Variants in CPLANE1 observed in about 807,000 individuals in gnomAD.
The protein encoded by CPLANE1 is ciliogenesis and planar polarity effector complex subunit 1.
A neutral mutation model predicts 362.5 loss-of-function variants in CPLANE1; 263 were observed. The ratio of observed to expected loss-of-function variants is 0.73; its 90% CI spans 0.66 to 0.80. The LOEUF is 0.80. CPLANE1 is among the 30% of genes least tolerant of loss of function. CPLANE1 has a pLI of 0.00. For synonymous variants in CPLANE1, 1,212 were observed against 1,302.6 expected, an observed-to-expected ratio of 0.93 and a Z score of 1.50; for missense variants, 3,461 against 3,793.4, an observed-to-expected ratio of 0.91 and a Z score of 2.30.
At chr5:37,108,162 ACT>A in intron 52 of CPLANE1, 129 bp downstream of exon 52, 1 of 842,132 alleles carries the variant, frequency 1.2e-6, no homozygotes, top group Non-Finnish European at 1.9e-6. Flanking sequence ...ACGATTTCAA[ACT>A]GACCTAACAA....
chr5:37,236,698 T>C (rs1305364583), intron 8 of CPLANE1, among the ~76,000 whole-genome samples: 1 of 146,664 alleles, frequency 6.8e-6, no homozygotes, highest in Non-Finnish European at 1.5e-5. Context: ...CTAGGATCTA[T>C]GAGAAACTAA....
intron 51 of CPLANE1, among the ~76,000 whole-genome samples, chr5:37,112,687 T>C (rs866035054): frequency 6.6e-6 from 1 of 152,228 alleles, no homozygotes; most frequent in Non-Finnish European, 1.5e-5. Flanking sequence ...ACTAAACCTA[T>C]TACCTCCATC....
Position 37,120,340 on chromosome 5 carries a change from T to C in CPLANE1, c.9186A>G (p.Gly3062=). The part of the protein sequence containing the change: ...SSCQHCPSPR[G]ENQHGHSFLI... ...GAAAACTGTGACCATGTTGATTCTC[T>C]CTATAGTAGAAATCACATAATTATT... Residue 3062 remains glycine (G), a splice_region_variant and synonymous_variant, in exon 50 of 53, where the codon GGA becomes GGG. Coordinates refer to ENST00000651892, the MANE Select transcript of CPLANE1 (RefSeq NM_001384732.1). The C allele has an allele frequency of 6.4e-7, 1 of 1,565,240 alleles. No homozygotes were observed. The highest frequency in any genetic ancestry group is 8.6e-7 in the Non-Finnish European group (1 of 1,163,006).
At chr5:37,220,059 C>T (rs1795022903) in intron 15 of CPLANE1, among the ~76,000 whole-genome samples, 1 of 152,020 alleles carries the variant, frequency 6.6e-6, no homozygotes, top group African/African-American at 2.4e-5. Context: ...TCAAGATCAG[C>T]CTGGGCAGCA....
rs1779080836 is a variant in CPLANE1, at chr5:37,169,180, A to T, written c.6844T>A (p.Ser2282Thr). The change falls in exon 34 of 53, where the codon TCC becomes ACC. Residue 2282 changes from serine (S) to threonine (T), a missense_variant. Ser to Thr is a moderately conservative substitution (Grantham distance 58). Around this residue, in one of 2 missense-constraint regions of CPLANE1, gnomAD observed 3,380 missense variants for 3,666.1 expected, o/e 0.92. Coordinates refer to ENST00000651892, the MANE Select transcript of CPLANE1 (RefSeq NM_001384732.1). ...PQRAAQTTPA[S>T]HLNVSQYNTE... ...TTATACTGGCTTACATTCAAATGGG[A>T]TGCTGGAGTAGTTTGTGCTGCTCTC... The T allele has an allele frequency of 6.2e-7, 1 of 1,614,032 alleles. No individual in the cohort carries two copies. The highest frequency in any genetic ancestry group is 8.5e-7 in the Non-Finnish European group (1 of 1,179,990).
chr5:37,123,712 G>GGAA (rs961051016), intron 47 of CPLANE1, among the ~76,000 whole-genome samples: 1 of 151,890 alleles, frequency 6.6e-6, no homozygotes, highest in Non-Finnish European at 1.5e-5. Context: ...TTTTTGTAGA[G>GGAA]ACAAGGTCTC....
chr5:37,182,848 T>G lies in CPLANE1; in HGVS notation c.5333A>C (p.Lys1778Thr). Residue 1778 changes from lysine to threonine, a missense_variant, in exon 26 of 53, where the codon AAG (lysine) becomes ACG (threonine). Physicochemically the swap from Lys to Thr is moderately conservative, Grantham distance 78. Coordinates refer to ENST00000651892, the MANE Select transcript of CPLANE1 (RefSeq NM_001384732.1). ...TGTAAGAATGGCAGCTGTAGAGGTCTTTACACGAATTACTGGACTGTACTC... is the reference window on the plus strand; with the variant it reads ...TGTAAGAATGGCAGCTGTAGAGGTCGTTACACGAATTACTGGACTGTACTC... ...SSEYSPVIRV[K>T]TSTAAILTSL... 1 of 1,613,196 alleles carries G rather than the reference T, an allele frequency of 6.2e-7. No individual in the cohort carries two copies. The highest frequency in any genetic ancestry group is 8.5e-7 in the Non-Finnish European group (1 of 1,179,746).
intron 16 of CPLANE1, chr5:37,210,708 G>A: frequency 6.3e-7 from 1 of 1,577,620 alleles, no homozygotes; most frequent in East Asian, 2.2e-5. Context: ...GGAGCTTCTG[G>A]CACAAAATAA....
chr5:37,187,701 T>C (rs1163308260), intron 22 of CPLANE1, 32 bp downstream of exon 22: 12 of 1,585,782 alleles, frequency 7.6e-6, no homozygotes, highest in African/African-American at 2.7e-5. Context: ...TTAACGTGTG[T>C]TCATTTTTCT....
In CPLANE1 at chr5:37,201,686, T is replaced by C. The variant is rs746221254; in HGVS notation, c.3412A>G (p.Lys1138Glu). The change falls in exon 19 of 53, where the codon AAG becomes GAG. Residue 1138 changes from lysine (K) to glutamate (E), a missense_variant. Lys to Glu is a moderately conservative substitution (Grantham distance 56, BLOSUM62 1). Coordinates refer to ENST00000651892, the MANE Select transcript of CPLANE1 (RefSeq NM_001384732.1). ...ETFQLLIDSAKDFSKRLWGLV... is the reference protein window; with the variant it reads ...ETFQLLIDSAEDFSKRLWGLV... The stretch of plus-strand genomic sequence containing the variant: ...CCCCACAGTCTTTTACTGAAGTCCT[T>C]GGCAGAGTCTATCAGAAGTTGAAAT... 6.2e-7 allele frequency: 1 copy of C among 1,614,182 alleles called. No homozygotes were observed. The highest frequency in any genetic ancestry group is 8.5e-7 in the Non-Finnish European group (1 of 1,180,002).
At position 37,162,573 on chromosome 5, in the gene CPLANE1, TATA is replaced by T. The variant is rs1172953193; in HGVS notation, c.7589-10_7589-8del. ...TTATCATCTTGTAGCATTTCTTAAA[TATA>T]ATAAAACATTGGAAGTAATCATTGA... On this transcript the variant is annotated splice_polypyrimidine_tract_variant and splice_region_variant and intron_variant, in intron 37 of 52. Transcript: ENST00000651892. 6.3e-7 allele frequency: 1 copy of T among 1,586,706 alleles called. No individual in the cohort carries two copies. Among genetic ancestry groups the T allele is most frequent in the African/African-American group, 1.3e-5 (1 of 74,434 alleles).
At chr5:37,243,670 A>T (rs986956524) in intron 5 of CPLANE1, among the ~76,000 whole-genome samples, 3 of 147,374 alleles carry the variant, frequency 2.0e-5, no homozygotes, top group East Asian at 1.9e-4. Context: ...ATATATAAAA[A>T]ATATATATAC....
At chr5:37,227,454 C>CA in intron 10 of CPLANE1, 62 bp from the exon 11 acceptor site, 4 of 1,484,744 alleles carry the variant, frequency 2.7e-6, no homozygotes, top group Non-Finnish European at 3.6e-6. Context: ...CTATTATAAG[C>CA]AATTAAAAAT....
intron 2 of CPLANE1, chr5:37,246,150 ATCT>A: frequency 7.8e-6 from 1 of 128,766 alleles, no homozygotes; most frequent in Non-Finnish European, 1.4e-5. Context: ...CTACTTTTTA[ATCT>A]TTTTTTTTTT....
At chr5:37,135,865 G>A (rs928607038) in intron 46 of CPLANE1, among the ~76,000 whole-genome samples, 3 of 151,770 alleles carry the variant, frequency 2.0e-5, no homozygotes, top group Admixed American at 6.6e-5. Context: ...AACAGATCTC[G>A]TGAAATAGTG....
intron 51 of CPLANE1, among the ~76,000 whole-genome samples, chr5:37,111,442 G>A (rs1759300579): frequency 6.6e-6 from 1 of 152,156 alleles, no homozygotes; most frequent in African/African-American, 2.4e-5. Flanking sequence ...TCTATAGGGT[G>A]AAGGAAGAAT....
At chr5:37,226,189 T>G (rs1219425651) in intron 12 of CPLANE1, 115 bp downstream of exon 12, 1 of 696,006 alleles carries the variant, frequency 1.4e-6, no homozygotes, top group Non-Finnish European at 2.2e-6. Context: ...TAACAAACAC[T>G]GAATAGTACA....
In CPLANE1 at chr5:37,238,834, A is replaced by C. The variant is rs1450518200; in HGVS notation, c.938+23T>G. The C allele has an allele frequency of 3.7e-6, 5 of 1,353,624 alleles. No homozygotes were observed. The East Asian group carries it at 7.6e-5, about 21-fold the overall frequency. The allele number at this position is 1,353,624 out of a possible 1,614,324, so 83.9% of individuals were successfully genotyped here. A position where few individuals can be genotyped will look rare whatever the true frequency, so the allele number is the denominator to read the frequency against. The stretch of plus-strand genomic sequence containing the variant: ...TCTTTTAAAAGAAAAAAAGAAAAAA[A>C]AGACAGACAAAAGAGTTCTTACCTA... On this transcript the variant is annotated intron_variant, in intron 8 of 52. Transcript: ENST00000651892.
chr5:37,227,810 G>A lies in CPLANE1; in HGVS notation c.1129C>T (p.Gln377Ter). 1.3e-6 allele frequency: 2 copies of A among 1,549,784 alleles called. No homozygotes were observed. Among genetic ancestry groups the A allele is most frequent in the Non-Finnish European group, 1.7e-6 (2 of 1,146,134 alleles). The part of the protein sequence containing the change: ...LHPLITYRPQ[Q>*]FTFQDSNNSV... Reference sequence around the variant, plus strand: ...TTATTTGAATCTTGAAACGTAAACTGCTGTGGTCTAGTAAACAAACATCAA... The same window carrying A: ...TTATTTGAATCTTGAAACGTAAACTACTGTGGTCTAGTAAACAAACATCAA... The change falls in exon 10 of 53, where the codon CAG becomes TAG. Residue 377 changes from glutamine (Q) to a stop codon, truncating the protein, a stop_gained. Transcript: ENST00000651892. LOFTEE classifies it high-confidence loss of function.
Sources: gnomAD v4.1 joint callset for allele counts (sites outside exome capture counted in the v4.1 genomes callset) on GRCh38, gnomAD v4.1.1 for gene constraint, gnomAD v4.1.1 regional missense constraint, MANE v1.5 for transcripts, NCBI Gene and HGNC (gene_info 2026-07-23, HGNC 2026-07-21) for gene names.